Variants in PCDHA13 observed in about 807,000 individuals in gnomAD.
The protein encoded by PCDHA13 is protocadherin alpha 13.
PCDHA13 carries 54 observed loss-of-function variants against 64.8 expected under a neutral mutation model. The observed-to-expected ratio is 0.83, with a 90% CI of 0.67 to 1.04. The LOEUF (loss-of-function observed/expected upper bound fraction) is 1.04. Ranked by LOEUF, PCDHA13 falls within the 50% of genes least tolerant of loss-of-function variation. The pLI is 0.00. For synonymous variants in PCDHA13, 587 were observed against 564.4 expected, an observed-to-expected ratio of 1.04 and a Z score of -0.57; for missense variants, 1,248 against 1,254.3, an observed-to-expected ratio of 0.99 and a Z score of 0.08.
intron 1 of PCDHA13, among the ~76,000 whole-genome samples, chr5:140,897,659 G>A: frequency 6.6e-6 from 1 of 152,230 alleles, no homozygotes; most frequent in South Asian, 2.1e-4. Flanking sequence ...ACGTGTGCAT[G>A]TGTCTTTATA....
chr5:141,007,366 CATG>C (rs1319534619), intron 3 of PCDHA13, among the ~76,000 whole-genome samples: 13 of 118,904 alleles, frequency 1.1e-4, no homozygotes, highest in Admixed American at 7.7e-4. Flanking sequence ...GCCTGGGCAA[CATG>C]ATGGAACACC....
At chr5:141,002,468 C>G (rs369108082) in intron 3 of PCDHA13, among the ~76,000 whole-genome samples, 2 of 152,334 alleles carry the variant, frequency 1.3e-5, no homozygotes, top group Middle Eastern at 3.4e-3. Flanking sequence ...AACGCTTTAG[C>G]ATTTTCAAAG....
At chr5:140,953,333 G>T (rs1164031991) in intron 1 of PCDHA13, among the ~76,000 whole-genome samples, 1 of 151,962 alleles carries the variant, frequency 6.6e-6, no homozygotes, top group East Asian at 1.9e-4. Flanking sequence ...TAGAATTTAG[G>T]GCTCACCTTC....
In PCDHA13 at chr5:140,884,365, CT is replaced by C. The variant is rs1264541175; in HGVS notation, c.2099del (p.Leu700Ter). On this transcript the variant is annotated frameshift_variant, in exon 1 of 4. Coordinates refer to ENST00000289272, the MANE Select transcript of PCDHA13 (RefSeq NM_018904.3). LOFTEE classifies it high-confidence loss of function. ...CGGCGCTGGTGGATGTCAATGTTTA[CT>C]TGATCATTGCCATCTGCGCGGTGTC... ...EAALVDVNVY[L>X]IIAICAVSSL... The C allele has an allele frequency of 6.2e-7, 1 of 1,613,846 alleles. No homozygotes were observed. Among genetic ancestry groups the C allele is most frequent in the Non-Finnish European group, 8.5e-7 (1 of 1,179,880 alleles).
intron 1 of PCDHA13, among the ~76,000 whole-genome samples, chr5:140,945,046 A>G (rs2093731107): frequency 2.0e-5 from 3 of 152,190 alleles, no homozygotes; most frequent in Non-Finnish European, 2.9e-5. Flanking sequence ...TTGGTCTTAT[A>G]TAAAGAAAAC....
intron 1 of PCDHA13, among the ~76,000 whole-genome samples, chr5:140,951,897 G>A (rs2094651245): frequency 6.6e-6 from 1 of 152,106 alleles, no homozygotes; most frequent in Non-Finnish European, 1.5e-5. Context: ...CTGCCTATGA[G>A]CCTGTAAAAT....
intron 1 of PCDHA13, among the ~76,000 whole-genome samples, chr5:140,961,132 T>G (rs1186627628): frequency 6.6e-6 from 1 of 152,238 alleles, no homozygotes; most frequent in Admixed American, 6.5e-5. Context: ...GTCTTGGCAC[T>G]TAAGAGTTGG....
At position 140,883,485 on chromosome 5, in the gene PCDHA13, CATT is replaced by C; in HGVS notation, c.1219_1221del (p.Leu407del). 6.2e-7 allele frequency: 1 copy of C among 1,614,190 alleles called. No individual in the cohort carries two copies. ...GTGTCCACCTACAAGAACTACTACT[CATT>C]AGTGCTGGACAGCGCCCTGGACCGC... On this transcript the variant is annotated inframe_deletion, in exon 1 of 4. Transcript: ENST00000289272.
chr5:140,954,360 A>G (rs1203050549), intron 1 of PCDHA13, among the ~76,000 whole-genome samples: 2 of 152,212 alleles, frequency 1.3e-5, no homozygotes, highest in African/African-American at 4.8e-5. Flanking sequence ...GAATCGCCAC[A>G]CAGTCTCCCA....
At chr5:140,966,396 C>T (rs770476013) in intron 1 of PCDHA13, 11 of 405,036 alleles carry the variant, frequency 2.7e-5, no homozygotes, top group Admixed American at 4.4e-5. Flanking sequence ...TCCGCCACTT[C>T]GGCGCGGAAT....
chr5:140,943,574 G>C (rs1424164723), intron 1 of PCDHA13, among the ~76,000 whole-genome samples: 1 of 152,154 alleles, frequency 6.6e-6, no homozygotes, highest in African/African-American at 2.4e-5. Context: ...TTAATTTGTT[G>C]ATCTGAGTGG....
chr5:140,974,544 T>C (rs1393611069), intron 1 of PCDHA13, among the ~76,000 whole-genome samples: 1 of 152,232 alleles, frequency 6.6e-6, no homozygotes, highest in Non-Finnish European at 1.5e-5. Context: ...GGAGTTTTGC[T>C]CTTGTTGCCC....
At chr5:140,917,739 T>C (rs1554198287) in intron 1 of PCDHA13, among the ~76,000 whole-genome samples, 1 of 152,222 alleles carries the variant, frequency 6.6e-6, no homozygotes, top group African/African-American at 2.4e-5. Flanking sequence ...CTCTAACCTG[T>C]CCCATTGGTC....
intron 3 of PCDHA13, among the ~76,000 whole-genome samples, chr5:140,984,755 A>G (rs1554246508): frequency 6.6e-6 from 1 of 152,172 alleles, no homozygotes; most frequent in Admixed American, 6.5e-5. Flanking sequence ...TTTGAGTTGA[A>G]TTCTAATCCC....
rs566725560 is a variant in PCDHA13, at chr5:140,929,099, G to T, written c.2394+44437G>T. The T allele has an allele frequency of 9.3e-6, 15 of 1,614,170 alleles. No homozygotes were observed. The African/African-American group carries it at 1.9e-4, about 20-fold the overall frequency. ...GGAAGTAAGATGGTTTCAAATCCTT[G>T]CATGACATCAGCCACCATAGATGTC... On this transcript the variant is annotated intron_variant, in intron 1 of 3. Transcript: ENST00000289272.
chr5:140,948,645 C>T (rs1468901970), intron 1 of PCDHA13, among the ~76,000 whole-genome samples: 1 of 151,562 alleles, frequency 6.6e-6, no homozygotes. Flanking sequence ...CATCTTTTAA[C>T]GTCTGTATAA....
chr5:140,900,151 G>A lies in PCDHA13; in HGVS notation c.2394+15489G>A, dbSNP rs114795695. On this transcript the variant is annotated intron_variant, in intron 1 of 3. Coordinates refer to ENST00000289272, the MANE Select transcript of PCDHA13 (RefSeq NM_018904.3). ...GTACCACAAATAAGTAAGAACATAC[G>A]ATATTTGTCTTTCTGTGCCTGGTTT... is the stretch of plus-strand genomic sequence containing the variant. Among the ~76,000 whole-genome samples, 787 of 152,242 alleles carry A rather than the reference G, an allele frequency of 5.2e-3. 9 individuals carry two copies. Among genetic ancestry groups the A allele is most frequent in the African/African-American group, 0.018 (746 of 41,554 alleles).
intron 1 of PCDHA13, among the ~76,000 whole-genome samples, chr5:140,941,595 A>G (rs1273931279): frequency 6.6e-6 from 1 of 152,016 alleles, no homozygotes; most frequent in Non-Finnish European, 1.5e-5. Context: ...GATTACAGCC[A>G]TGAGCCATGG....
At chr5:140,944,718 G>A (rs1554216523) in intron 1 of PCDHA13, among the ~76,000 whole-genome samples, 1 of 152,088 alleles carries the variant, frequency 6.6e-6, no homozygotes, top group East Asian at 1.9e-4. Flanking sequence ...TTTTGCCTTT[G>A]AACACCTTAG....
Sources: allele counts gnomAD v4.1 joint callset (sites outside exome capture counted in the v4.1 genomes callset), GRCh38; gene constraint gnomAD v4.1.1; transcripts MANE v1.5; gene names NCBI Gene and HGNC (gene_info 2026-07-23, HGNC 2026-07-21).